GLT8D2: variants seen among roughly 807,000 people sequenced by gnomAD.
The protein encoded by GLT8D2 is glycosyltransferase 8 domain containing 2, also known as glycosyltransferase 8 domain-containing protein 2.
A neutral mutation model predicts 44.5 loss-of-function variants in GLT8D2; 45 were observed. The ratio of observed to expected loss-of-function variants is 1.01; its 90% CI spans 0.80 to 1.30. The LOEUF (loss-of-function observed/expected upper bound fraction) is 1.30. Among genes scored for constraint, GLT8D2 ranks in the 50% most tolerant of loss-of-function variants. The pLI is 0.00. For synonymous variants in GLT8D2, 156 were observed against 157.2 expected (o/e 0.99, Z 0.06); for missense variants, 400 against 430.4 (o/e 0.93, Z 0.62).
chr12:104,015,432 ACAC>A (rs1476516559), intron 3 of GLT8D2, among the ~76,000 whole-genome samples: 273 of 151,212 alleles, frequency 1.8e-3, no homozygotes, highest in Non-Finnish European at 3.1e-3. Flanking sequence ...ACACACACAC[ACAC>A]AAATTAGCTG....
At chr12:104,006,778 CTGTGA>C (rs1875066753) in intron 4 of GLT8D2, among the ~76,000 whole-genome samples, 2 of 152,198 alleles carry the variant, frequency 1.3e-5, no homozygotes, top group South Asian at 4.1e-4. Flanking sequence ...GCACATAAGG[CTGTGA>C]GCCCTTTTGA....
intron 8 of GLT8D2, among the ~76,000 whole-genome samples, chr12:103,995,837 C>A (rs2136276468): frequency 6.6e-6 from 1 of 152,314 alleles, no homozygotes; most frequent in Admixed American, 6.5e-5. Context: ...TGAGTACTTT[C>A]TATACACCAG....
chr12:104,014,308 T>C lies in GLT8D2; in HGVS notation c.112+705A>G, dbSNP rs554360955. On this transcript the variant is annotated intron_variant, in intron 4 of 10. Coordinates refer to ENST00000360814, the MANE Select transcript of GLT8D2 (RefSeq NM_001384711.1). Reference sequence around the variant, plus strand: ...AGGTCGAGGCTGCAGGGAGCTGCTATTGTGCCACTGTATTTGAGCTGGGGC... The same window carrying C: ...AGGTCGAGGCTGCAGGGAGCTGCTACTGTGCCACTGTATTTGAGCTGGGGC... 9 of 700,746 alleles carry C rather than the reference T, an allele frequency of 1.3e-5. No homozygotes were observed. In the East Asian group the frequency reaches 2.4e-4, roughly 19 times the overall value. 43.4% of individuals were successfully genotyped at this position (700,746 alleles called of 1,614,324 possible).
intron 1 of GLT8D2, among the ~76,000 whole-genome samples, chr12:104,033,435 G>C (rs953582262): frequency 9.2e-5 from 14 of 152,126 alleles, no homozygotes; most frequent in Non-Finnish European, 1.6e-4. Context: ...TCACTTATAT[G>C]AGAAATCTAC....
chr12:104,027,933 A>T (rs1401639953), intron 1 of GLT8D2, among the ~76,000 whole-genome samples: 1 of 152,194 alleles, frequency 6.6e-6, no homozygotes. Flanking sequence ...CCGTGTGTTG[A>T]TGAAGCTTTA....
At chr12:104,016,854 G>GAA (rs1324964532) in intron 3 of GLT8D2, among the ~76,000 whole-genome samples, 1 of 149,616 alleles carries the variant, frequency 6.7e-6, no homozygotes, top group Admixed American at 6.7e-5. Flanking sequence ...AAGAAAGAAA[G>GAA]AAAGAAAGAA....
chr12:104,041,099 T>C (rs1880502107), intron 1 of GLT8D2, among the ~76,000 whole-genome samples: 1 of 151,970 alleles, frequency 6.6e-6, no homozygotes, highest in Admixed American at 6.6e-5. Flanking sequence ...AAACCCCGTC[T>C]CTACTAAAAA....
At chr12:103,999,539 C>T in intron 5 of GLT8D2, 25 bp from the exon 6 acceptor site, 1 of 1,331,440 alleles carries the variant, frequency 7.5e-7, no homozygotes, top group Non-Finnish European at 1.1e-6. Flanking sequence ...AAAAAAACCT[C>T]TAGTATACCC....
chr12:104,020,590 G>C (rs899158954), intron 2 of GLT8D2, among the ~76,000 whole-genome samples: 8 of 152,324 alleles, frequency 5.3e-5, no homozygotes, highest in African/African-American at 9.6e-5. Flanking sequence ...ACACATAAAA[G>C]TATTAGATTA....
chr12:104,001,508 A>G (rs1874214952), intron 5 of GLT8D2, among the ~76,000 whole-genome samples: 1 of 152,214 alleles, frequency 6.6e-6, no homozygotes, highest in Non-Finnish European at 1.5e-5. Context: ...TTGTATAAAT[A>G]AGGAATAAGC....
chr12:104,002,980 G>A (rs988245068), intron 5 of GLT8D2, among the ~76,000 whole-genome samples, 155 bp downstream of exon 5: 1 of 147,598 alleles, frequency 6.8e-6, no homozygotes, highest in Admixed American at 6.9e-5. Context: ...GACAGAGAGA[G>A]AGAGAGAGAC....
intron 8 of GLT8D2, 113 bp downstream of exon 8, chr12:103,996,622 C>T: frequency 1.4e-6 from 1 of 731,238 alleles, no homozygotes; most frequent in Non-Finnish European, 2.4e-6. Flanking sequence ...GCAGTCCAGA[C>T]TGGCCCATAA....
At chr12:104,058,973 G>A (rs1488741460) in intron 1 of GLT8D2, among the ~76,000 whole-genome samples, 1 of 152,202 alleles carries the variant, frequency 6.6e-6, no homozygotes, top group Admixed American at 6.5e-5. Flanking sequence ...CACATACAGT[G>A]TGGAAACACT....
chr12:104,017,191 T>TCTC (rs1278433092), intron 3 of GLT8D2, among the ~76,000 whole-genome samples: 2 of 152,134 alleles, frequency 1.3e-5, no homozygotes, highest in Admixed American at 1.3e-4. Flanking sequence ...TGAATCACAT[T>TCTC]CTCCTAATTG....
chr12:104,038,002 A>G (rs1880100754), intron 1 of GLT8D2, among the ~76,000 whole-genome samples: 1 of 152,210 alleles, frequency 6.6e-6, no homozygotes, highest in Non-Finnish European at 1.5e-5. Flanking sequence ...ATGCAAATCA[A>G]TAAACGTAAT....
intron 1 of GLT8D2, among the ~76,000 whole-genome samples, chr12:104,034,362 G>T (rs1482029787): frequency 6.6e-6 from 1 of 152,226 alleles, no homozygotes; most frequent in Non-Finnish European, 1.5e-5. Context: ...AAGCCCAAAG[G>T]GTCGGGGGAT....
chr12:104,042,089 T>C (rs1880623916), intron 1 of GLT8D2, among the ~76,000 whole-genome samples: 1 of 152,228 alleles, frequency 6.6e-6, no homozygotes, highest in African/African-American at 2.4e-5. Context: ...CCCATCCTTT[T>C]CTCCTTTGCC....
rs1168525471 is a variant in GLT8D2, at chr12:104,030,850, C to T, written c.-163-9359G>A. 4 of 1,584,564 alleles carry T rather than the reference C, an allele frequency of 2.5e-6. No individual in the cohort carries two copies. In the African/African-American group the frequency reaches 4.1e-5, roughly 16 times the overall value. On this transcript the variant is annotated intron_variant, in intron 1 of 10. Coordinates refer to ENST00000360814, the MANE Select transcript of GLT8D2 (RefSeq NM_001384711.1). The stretch of plus-strand genomic sequence containing the variant: ...GGAACCTGGAGAACCGCTTCAGCGG[C>T]TGGTACGACGCCGACCTGAGCCCGG...
At chr12:103,999,997 C>A (rs921409135) in intron 5 of GLT8D2, among the ~76,000 whole-genome samples, 5 of 152,144 alleles carry the variant, frequency 3.3e-5, no homozygotes, top group Non-Finnish European at 4.4e-5. Flanking sequence ...GTCCCTTGAT[C>A]TTCCCCATCT....
Sources: allele counts gnomAD v4.1 joint callset (sites outside exome capture counted in the v4.1 genomes callset), GRCh38; gene constraint gnomAD v4.1.1; transcripts MANE v1.5; gene names NCBI Gene and HGNC (gene_info 2026-07-23, HGNC 2026-07-21).